Variants in DAB1 observed in about 807,000 individuals in gnomAD.
DAB1 encodes disabled homolog 1.
DAB1 carries 15 observed loss-of-function variants against 64.6 expected under a neutral mutation model. The observed-to-expected ratio is 0.23, with a 90% CI of 0.16 to 0.36. DAB1 has a LOEUF of 0.36. DAB1 is among the 10% of genes least tolerant of loss of function. DAB1 has a pLI of 1.00. For missense variants in DAB1, 596 were observed against 706.7 expected (o/e 0.84, Z 1.78); for synonymous variants, 235 against 251.9 (o/e 0.93, Z 0.64).
intron 5 of DAB1, among the ~76,000 whole-genome samples, chr1:57,906,983 G>GATAGATAT (rs1644562628): frequency 6.9e-6 from 1 of 145,472 alleles, no homozygotes; most frequent in Middle Eastern, 3.5e-3. Context: ...TAGATAGATA[G>GATAGATAT]ATAGATTTGC....
intron 2 of DAB1, among the ~76,000 whole-genome samples, chr1:57,154,572 G>A (rs1660032052): frequency 1.3e-5 from 2 of 152,290 alleles, no homozygotes; most frequent in South Asian, 2.1e-4. Flanking sequence ...CAGTGGGATT[G>A]CTAGATCATA....
chr1:58,370,253 T>C (rs1644252129), intron 3 of DAB1, among the ~76,000 whole-genome samples: 1 of 152,280 alleles, frequency 6.6e-6, no homozygotes, highest in East Asian at 1.9e-4. Context: ...TGAATCTTGA[T>C]AGGTCCTCAA....
intron 7 of DAB1, among the ~76,000 whole-genome samples, chr1:57,491,962 C>T (rs113915555): frequency 1.3e-4 from 20 of 152,114 alleles, no homozygotes; most frequent in African/African-American, 4.3e-4. Flanking sequence ...ACAGCAAAGG[C>T]TCAGAGGCTA....
At chr1:58,265,179 GTACTTCCCA>G (rs767169674) in intron 4 of DAB1, among the ~76,000 whole-genome samples, 14 of 152,322 alleles carry the variant, frequency 9.2e-5, no homozygotes, top group Non-Finnish European at 1.8e-4. Flanking sequence ...TAGGAAGAAT[GTACTTCCCA>G]TTCAATAAAC....
Position 57,201,132 on chromosome 1 carries a change from C to T in DAB1, c.68-55703G>A, listed in dbSNP as rs779440126. Among the ~76,000 whole-genome samples, 51 of 152,194 alleles carry T rather than the reference C, an allele frequency of 3.4e-4. 1 individual carries two copies. The highest frequency in any genetic ancestry group is 2.6e-4 in the Admixed American group (4 of 15,286). On this transcript the variant is annotated intron_variant, in intron 2 of 14. Transcript: ENST00000371236. ...AGGTCTGTGTCTTCAGGAGCCATTGCTGCTTCTGCAAAGCCACTAAATGAG... is the reference window on the plus strand; with the variant it reads ...AGGTCTGTGTCTTCAGGAGCCATTGTTGCTTCTGCAAAGCCACTAAATGAG...
intron 1 of DAB1, chr1:57,862,743 C>T (rs1234805537): frequency 6.6e-6 from 1 of 152,170 alleles, no homozygotes; most frequent in South Asian, 2.1e-4. Flanking sequence ...TGAGATACCA[C>T]TACAACCTAC....
At chr1:57,536,525 A>G (rs1644730617) in intron 7 of DAB1, among the ~76,000 whole-genome samples, 1 of 152,132 alleles carries the variant, frequency 6.6e-6, no homozygotes. Flanking sequence ...CAACAAAAAG[A>G]GGCCCACTTA....
intron 4 of DAB1, among the ~76,000 whole-genome samples, chr1:58,216,234 G>A (rs538842356): frequency 2.0e-5 from 3 of 151,766 alleles, no homozygotes; most frequent in South Asian, 2.1e-4. Context: ...CTGTGTTCAC[G>A]TGTTCTCACT....
intron 3 of DAB1, among the ~76,000 whole-genome samples, chr1:58,392,844 T>C (rs1047665508): frequency 1.1e-4 from 17 of 152,216 alleles, no homozygotes; most frequent in Non-Finnish European, 2.1e-4. Flanking sequence ...AGTTTGTTAG[T>C]GTTTCCTTCC....
At chr1:57,212,185 C>T (rs1043237438) in intron 2 of DAB1, among the ~76,000 whole-genome samples, 1 of 151,990 alleles carries the variant, frequency 6.6e-6, no homozygotes, top group Non-Finnish European at 1.5e-5. Context: ...AGTCACAGAG[C>T]TGAAGGGATA....
chr1:58,246,035 T>C (rs1446719958), intron 4 of DAB1, among the ~76,000 whole-genome samples: 10 of 152,096 alleles, frequency 6.6e-5, no homozygotes, highest in Non-Finnish European at 1.0e-4. Flanking sequence ...ACAGAAGGTA[T>C]TTAGGTGGGG....
chr1:57,551,008 A>G (rs1031937669), intron 7 of DAB1, among the ~76,000 whole-genome samples: 16 of 152,320 alleles, frequency 1.1e-4, no homozygotes, highest in Admixed American at 8.5e-4. Context: ...AGGAATCTGG[A>G]TATCTCAGGG....
chr1:57,154,516 T>C (rs11206976), intron 2 of DAB1, among the ~76,000 whole-genome samples: 81,409 of 152,144 alleles, frequency 0.54, 22,524 homozygotes, highest in African/African-American at 0.64. Context: ...AGAGTGCAGA[T>C]ATCTCTTTGA....
chr1:57,924,240 A>T (rs573756297), intron 5 of DAB1, among the ~76,000 whole-genome samples: 1 of 152,236 alleles, frequency 6.6e-6, no homozygotes, highest in Admixed American at 6.5e-5. Flanking sequence ...GGAGCTGACT[A>T]TCGGATGGAA....
chr1:58,018,406 C>T (rs947907931), intron 5 of DAB1, among the ~76,000 whole-genome samples: 6 of 152,118 alleles, frequency 3.9e-5, no homozygotes, highest in African/African-American at 1.4e-4. Context: ...ATAACAAACC[C>T]TACCTCCCTA....
intron 1 of DAB1, among the ~76,000 whole-genome samples, chr1:57,379,992 C>T (rs1338131004): frequency 2.0e-5 from 3 of 152,180 alleles, no homozygotes; most frequent in Non-Finnish European, 2.9e-5. Flanking sequence ...AAGTGTGTGG[C>T]ACATAGTAAA....
chr1:58,327,375 A>T (rs1662858188), intron 4 of DAB1, among the ~76,000 whole-genome samples: 1 of 152,106 alleles, frequency 6.6e-6, no homozygotes, highest in African/African-American at 2.4e-5. Flanking sequence ...ATGTTATAGA[A>T]CTGTCAGGCC....
chr1:58,316,099 C>A (rs930572719), intron 4 of DAB1, among the ~76,000 whole-genome samples: 3 of 152,222 alleles, frequency 2.0e-5, no homozygotes, highest in African/African-American at 7.2e-5. Flanking sequence ...AATGCCTTAT[C>A]TCTAACATGA....
At chr1:57,541,364 T>C (rs1644801955) in intron 7 of DAB1, among the ~76,000 whole-genome samples, 1 of 152,092 alleles carries the variant, frequency 6.6e-6, no homozygotes, top group Non-Finnish European at 1.5e-5. Flanking sequence ...CCCCTGACCT[T>C]GTGATCTGCC....
Sources: allele counts gnomAD v4.1 joint callset (sites outside exome capture counted in the v4.1 genomes callset), GRCh38; gene constraint gnomAD v4.1.1; transcripts MANE v1.5; gene names NCBI Gene and HGNC (gene_info 2026-07-23, HGNC 2026-07-21).